The following SQOR variants were observed in gnomAD, a reference collection of about 807,000 sequenced individuals.
SQOR encodes the protein sulfide:quinone oxidoreductase, mitochondrial.
Under a neutral mutation model 48.6 loss-of-function variants are expected in SQOR, and 39 were observed. The observed-to-expected ratio is 0.80, with a 90% CI of 0.62 to 1.05. The LOEUF (loss-of-function observed/expected upper bound fraction) is 1.05. SQOR is among the 50% of genes least tolerant of loss of function. The pLI is 0.00. For missense variants in SQOR, 561 were observed against 559.9 expected, an observed-to-expected ratio of 1.00 and a Z score of -0.02; for synonymous variants, 220 against 206.2, an observed-to-expected ratio of 1.07 and a Z score of -0.57.
intron 1 of SQOR, among the ~76,000 whole-genome samples, chr15:45,650,585 C>G (rs74698077): frequency 6.6e-6 from 1 of 152,124 alleles, no homozygotes; most frequent in Admixed American, 6.5e-5. Context: ...TGCCACCGCT[C>G]GCTCGGGCAG....
rs770256878 is a variant in SQOR, at chr15:45,691,048, C to A, written c.*18C>A. 1 of 1,612,850 alleles carries A rather than the reference C, an allele frequency of 6.2e-7. No individual in the cohort carries two copies. Among genetic ancestry groups the A allele is most frequent in the East Asian group, 2.2e-5 (1 of 44,882 alleles). On this transcript the variant is annotated 3_prime_UTR_variant, in exon 10 of 10. Transcript: ENST00000260324. Reference sequence around the variant, plus strand: ...TGAGTTAAGGATGGCTCAGCACTTGCTCATCTTGGATGGCTTCTGGGCCAA... The same window carrying A: ...TGAGTTAAGGATGGCTCAGCACTTGATCATCTTGGATGGCTTCTGGGCCAA...
At chr15:45,660,527 C>A (rs889044300) in intron 2 of SQOR, among the ~76,000 whole-genome samples, 1 of 152,140 alleles carries the variant, frequency 6.6e-6, no homozygotes, top group Non-Finnish European at 1.5e-5. Flanking sequence ...ACAATTCAGG[C>A]GGCCAGAATC....
At chr15:45,678,691 G>A (rs1197817332) in intron 6 of SQOR, among the ~76,000 whole-genome samples, 1 of 152,072 alleles carries the variant, frequency 6.6e-6, no homozygotes, top group Non-Finnish European at 1.5e-5. Flanking sequence ...TGGAATGTTT[G>A]GAGCTAGTTA....
At chr15:45,669,161 T>G (rs1889892536) in intron 3 of SQOR, among the ~76,000 whole-genome samples, 1 of 143,454 alleles carries the variant, frequency 7.0e-6, no homozygotes, top group Non-Finnish European at 1.5e-5. Context: ...TATATATATA[T>G]TTTTTATTTT....
chr15:45,646,119 T>C (rs989412285), intron 1 of SQOR: 3 of 152,234 alleles, frequency 2.0e-5, no homozygotes, highest in Admixed American at 6.5e-5. Context: ...CCAAATTGTA[T>C]AGGGTTCAAT....
At chr15:45,682,378 G>C (rs1890138562) in intron 6 of SQOR, 100 bp from the exon 7 acceptor site, 2 of 1,264,314 alleles carry the variant, frequency 1.6e-6, no homozygotes, top group Non-Finnish European at 1.1e-6. Flanking sequence ...GCTCCATGCA[G>C]CCATAGCACA....
chr15:45,653,315 C>T (rs682805), intron 1 of SQOR, among the ~76,000 whole-genome samples: 61,292 of 151,978 alleles, frequency 0.4, 12,637 homozygotes, highest in East Asian at 0.5. Flanking sequence ...GACTACAAAT[C>T]CCAAGGCTCC....
chr15:45,669,604 C>G (rs750151057), intron 3 of SQOR, among the ~76,000 whole-genome samples: 3 of 152,208 alleles, frequency 2.0e-5, no homozygotes, highest in South Asian at 2.1e-4. Context: ...CTGTCTCAAG[C>G]TTTCTGGGGC....
intron 1 of SQOR, among the ~76,000 whole-genome samples, chr15:45,638,777 A>C (rs1309650711): frequency 3.3e-5 from 5 of 152,232 alleles, no homozygotes; most frequent in African/African-American, 1.2e-4. Flanking sequence ...TAGGTCATTA[A>C]GGTGGAGCCC....
At position 45,659,148 on chromosome 15, in the gene SQOR, G is replaced by A. The variant is rs1889673051; in HGVS notation, c.225G>A (p.Glu75=). The change falls in exon 2 of 10, where the codon GAG becomes GAA. Residue 75 remains glutamate, a synonymous_variant. Transcript: ENST00000260324. ...GTGCAGAGAATGTGGCCATTGTTGA[G>A]CCCAGTGAGGTAAGCCTCCCCTTTT... ...KVGAENVAIV[E]PSERHFYQPI... The A allele has an allele frequency of 1.3e-6, 2 of 1,532,204 alleles. No homozygotes were observed. Among genetic ancestry groups the A allele is most frequent in the Non-Finnish European group, 1.8e-6 (2 of 1,133,156 alleles). The allele number at this position is 1,532,204 out of a possible 1,614,324, so 94.9% of individuals were successfully genotyped here.
intron 1 of SQOR, among the ~76,000 whole-genome samples, chr15:45,636,406 CTTT>C (rs57826307): frequency 5.1e-5 from 7 of 136,566 alleles, no homozygotes; most frequent in Non-Finnish European, 6.3e-5. Flanking sequence ...TTTCTTTCTT[CTTT>C]TTTTTTTTTT....
At chr15:45,685,749 T>A (rs1405281755) in intron 7 of SQOR, among the ~76,000 whole-genome samples, 1 of 152,214 alleles carries the variant, frequency 6.6e-6, no homozygotes. Context: ...TTCCAAACTC[T>A]TTATGGCCCT....
chr15:45,645,131 C>T (rs2140939249), intron 1 of SQOR, among the ~76,000 whole-genome samples: 1 of 152,310 alleles, frequency 6.6e-6, no homozygotes, highest in East Asian at 1.9e-4. Context: ...CATGAAGTAT[C>T]TAATGCAGTG....
chr15:45,658,920 G>C lies in SQOR; in HGVS notation c.-4G>C. ...CTTCCCTTCCAGCCTGATCCTGCCTGAAGATGGTGCCACTGGTGGCTGTGG... is the reference window on the plus strand; with the variant it reads ...CTTCCCTTCCAGCCTGATCCTGCCTCAAGATGGTGCCACTGGTGGCTGTGG... On this transcript the variant is annotated 5_prime_UTR_variant, in exon 2 of 10. Transcript: ENST00000260324. 6.5e-7 allele frequency: 1 copy of C among 1,548,964 alleles called. No individual in the cohort carries two copies. Among genetic ancestry groups the C allele is most frequent in the Non-Finnish European group, 8.8e-7 (1 of 1,142,306 alleles).
intron 1 of SQOR, among the ~76,000 whole-genome samples, chr15:45,651,016 T>G (rs1010678641): frequency 6.6e-6 from 1 of 151,750 alleles, no homozygotes; most frequent in African/African-American, 2.4e-5. Flanking sequence ...GCACCTGCAC[T>G]CCTCAGCCCT....
At chr15:45,644,607 A>G (rs1271662613) in intron 1 of SQOR, among the ~76,000 whole-genome samples, 1 of 152,226 alleles carries the variant, frequency 6.6e-6, no homozygotes, top group East Asian at 1.9e-4. Context: ...ACAGTTCCCT[A>G]GAAACAGGAG....
chr15:45,673,653 A>G lies in SQOR; in HGVS notation c.506A>G (p.Asn169Ser), dbSNP rs761023993. Residue 169 changes from asparagine to serine, a missense_variant, in exon 5 of 10, where the codon AAT (asparagine) becomes AGT (serine). By Grantham distance (46) the Asn-to-Ser change is conservative (BLOSUM62 1). Transcript: ENST00000260324. The part of the protein sequence containing the change: ...EGFAHPKIGS[N>S]YSVKTVEKTW... ...TTCGCTCATCCCAAAATAGGGTCGA[A>G]TTATTCAGTTAAGACTGTAGAGAAG... is the stretch of plus-strand genomic sequence containing the variant. 2 of 1,614,230 alleles carry G rather than the reference A, an allele frequency of 1.2e-6. No homozygotes were observed. Among genetic ancestry groups the G allele is most frequent in the Non-Finnish European group, 1.7e-6 (2 of 1,180,038 alleles).
rs1220196078 is a variant in SQOR at position 45,676,289 on chromosome 15, A to G, written c.843A>G (p.Pro281=). The G allele has an allele frequency of 3.1e-6, 5 of 1,613,928 alleles. No homozygotes were observed. Among genetic ancestry groups the G allele is most frequent in the Middle Eastern group, 1.6e-4 (1 of 6,078 alleles). ...CTGTATTTGAGAACCTGGACAAACC[A>G]GGAGAGACCCAAGTGATTTCAGTGA... is the stretch of plus-strand genomic sequence containing the variant. ...QEAVFENLDK[P]GETQVISYEM... is the part of the protein sequence containing the mutation. The change falls in exon 6 of 10, where the codon CCA becomes CCG. Residue 281 remains proline (P), a synonymous_variant. Transcript: ENST00000260324.
At chr15:45,635,847 T>C (rs1487764909) in intron 1 of SQOR, among the ~76,000 whole-genome samples, 1 of 152,114 alleles carries the variant, frequency 6.6e-6, no homozygotes, top group Non-Finnish European at 1.5e-5. Flanking sequence ...GAACAATACT[T>C]TTTTTTGAGA....
Sources: allele counts gnomAD v4.1 joint callset (sites outside exome capture counted in the v4.1 genomes callset), GRCh38; gene constraint gnomAD v4.1.1; transcripts MANE v1.5; gene names NCBI Gene and HGNC (gene_info 2026-07-23, HGNC 2026-07-21).